TBL1XR1: variants seen among roughly 807,000 people sequenced by gnomAD.
TBL1XR1 encodes the protein F-box-like/WD repeat-containing protein TBL1XR1.
Under a neutral mutation model 66.9 loss-of-function variants are expected in TBL1XR1, and 5 were observed. The ratio of observed to expected loss-of-function variants is 0.07; its 90% CI spans 0.04 to 0.16. The LOEUF (loss-of-function observed/expected upper bound fraction) is 0.16, where lower values mean the gene tolerates loss of function less well. Ranked by LOEUF, TBL1XR1 falls within the 10% of genes least tolerant of loss-of-function variation. The pLI is 1.00. For missense variants in TBL1XR1, 238 were observed against 623.2 expected (o/e 0.38, Z 6.58); for synonymous variants, 210 against 206.0 (o/e 1.02, Z -0.17).
chr3:177,026,499 T>A (rs780716623), intron 14 of TBL1XR1, 25 bp from the exon 15 acceptor site: 2 of 1,500,658 alleles, frequency 1.3e-6, no homozygotes, highest in East Asian at 4.6e-5. Flanking sequence ...AACAAAATCT[T>A]AAAAATCGTA....
chr3:177,194,635 T>C (rs959026794), intron 1 of TBL1XR1, among the ~76,000 whole-genome samples: 5 of 152,176 alleles, frequency 3.3e-5, no homozygotes, highest in Non-Finnish European at 7.3e-5. Flanking sequence ...AATCAACAAG[T>C]TGATGTTCAA....
chr3:177,144,293 A>G (rs1577301117), intron 1 of TBL1XR1, among the ~76,000 whole-genome samples: 3 of 152,260 alleles, frequency 2.0e-5, no homozygotes, highest in South Asian at 4.1e-4. Context: ...TTTTTGACTC[A>G]TGGCACTGAC....
chr3:177,134,969 G>GTGTGTC (rs1553852551), intron 1 of TBL1XR1, among the ~76,000 whole-genome samples: 969 of 95,600 alleles, frequency 0.01, 14 homozygotes, highest in Middle Eastern at 0.026. Context: ...GTGTGTGTCT[G>GTGTGTC]TGTGTGTGTC....
chr3:177,197,721 C>T (rs1186376074), upstream of TBL1XR1, among the ~76,000 whole-genome samples: 7 of 145,814 alleles, frequency 4.8e-5, no homozygotes, highest in African/African-American at 1.7e-4. Flanking sequence ...GGGGGGGCTC[C>T]AGCGGCCGCG....
At chr3:177,139,391 TGA>T (rs1729365125) in intron 1 of TBL1XR1, among the ~76,000 whole-genome samples, 1 of 151,984 alleles carries the variant, frequency 6.6e-6, no homozygotes, top group Non-Finnish European at 1.5e-5. Flanking sequence ...AAAAATTAGC[TGA>T]GAGTGCTGGC....
At chr3:177,056,462 T>C (rs1288063587) in intron 3 of TBL1XR1, among the ~76,000 whole-genome samples, 1 of 152,214 alleles carries the variant, frequency 6.6e-6, no homozygotes, top group Non-Finnish European at 1.5e-5. Context: ...ACTGCAGATG[T>C]ACTTAGGATG....
chr3:177,040,312 T>G (rs1905502), intron 10 of TBL1XR1, among the ~76,000 whole-genome samples: 36,321 of 152,028 alleles, frequency 0.24, 4,662 homozygotes, highest in East Asian at 0.5. Context: ...AAGACTACTA[T>G]GTCTCAAAAA....
intron 5 of TBL1XR1, 80 bp downstream of exon 5, chr3:177,051,424 C>G (rs761165377): frequency 6.4e-5 from 84 of 1,312,992 alleles, no homozygotes; most frequent in Non-Finnish European, 8.3e-5. Flanking sequence ...AACAAACCTG[C>G]ACATGTACCC....
intron 1 of TBL1XR1, among the ~76,000 whole-genome samples, chr3:177,116,170 T>TTGAAACCAACTAGACATCA (rs778351807): frequency 1.3e-5 from 2 of 152,296 alleles, no homozygotes; most frequent in Non-Finnish European, 2.9e-5. Context: ...TTTTACTTAC[T>TTGAAACCAACTAGACATCA]TGAAACCAAC....
intron 1 of TBL1XR1, chr3:177,099,419 C>T (rs1285151788): frequency 6.6e-6 from 1 of 152,232 alleles, no homozygotes; most frequent in East Asian, 1.9e-4. Context: ...TCAGAGGAGA[C>T]TCTTAGTTGG....
intron 1 of TBL1XR1, among the ~76,000 whole-genome samples, chr3:177,152,328 T>C (rs1355762351): frequency 6.6e-6 from 1 of 151,942 alleles, no homozygotes; most frequent in African/African-American, 2.4e-5. Context: ...AAGGCCCACC[T>C]TTTTTTTCAA....
At chr3:177,025,826 C>A (rs745987817) in intron 15 of TBL1XR1, among the ~76,000 whole-genome samples, 1 of 152,190 alleles carries the variant, frequency 6.6e-6, no homozygotes, top group East Asian at 1.9e-4. Context: ...ATCTATTGGA[C>A]CCTAATGAAA....
At chr3:177,151,025 G>C (rs1375732760) in intron 1 of TBL1XR1, among the ~76,000 whole-genome samples, 2 of 152,236 alleles carry the variant, frequency 1.3e-5, no homozygotes, top group East Asian at 1.9e-4. Context: ...GCTCAGAAAA[G>C]CCAGTAATAA....
At chr3:177,134,749 T>C (rs569649620) in intron 1 of TBL1XR1, among the ~76,000 whole-genome samples, 169 of 152,308 alleles carry the variant, frequency 1.1e-3, no homozygotes, top group Non-Finnish European at 1.8e-3. Context: ...TTACATACTC[T>C]ACTAACATCC....
intron 1 of TBL1XR1, among the ~76,000 whole-genome samples, chr3:177,167,039 G>A (rs933068291): frequency 3.9e-5 from 6 of 152,170 alleles, no homozygotes; most frequent in Non-Finnish European, 5.9e-5. Flanking sequence ...CACAAAAACC[G>A]GTACGTGGAT....
At chr3:177,047,683 C>CCTACTTGT in intron 7 of TBL1XR1, 134 bp from the exon 8 acceptor site, 2 of 1,012,864 alleles carry the variant, frequency 2.0e-6, no homozygotes, top group Non-Finnish European at 2.9e-6. Context: ...GTCAGTTTTG[C>CCTACTTGT]CTACTTGTGA....
chr3:177,041,622 G>T (rs1347742702), intron 10 of TBL1XR1, among the ~76,000 whole-genome samples: 1 of 152,172 alleles, frequency 6.6e-6, no homozygotes, highest in East Asian at 1.9e-4. Flanking sequence ...GCCTCTACTT[G>T]TGTGTATCAC....
chr3:177,093,418 C>T (rs1723074405), intron 2 of TBL1XR1, among the ~76,000 whole-genome samples: 1 of 152,130 alleles, frequency 6.6e-6, no homozygotes. Flanking sequence ...TCTACAAATT[C>T]AGTGCAATTC....
chr3:177,128,006 G>A (rs1451195148), intron 1 of TBL1XR1, among the ~76,000 whole-genome samples: 2 of 152,124 alleles, frequency 1.3e-5, no homozygotes, highest in Non-Finnish European at 2.9e-5. Context: ...ATCACTTGAG[G>A]TCAGGAGTTC....
Sources: allele counts gnomAD v4.1 joint callset (sites outside exome capture counted in the v4.1 genomes callset), GRCh38; gene constraint gnomAD v4.1.1; transcripts MANE v1.5; gene names NCBI Gene and HGNC (gene_info 2026-07-23, HGNC 2026-07-21).